The following UBR3 variants were observed in gnomAD, a reference collection of about 807,000 sequenced individuals.
UBR3 encodes ubiquitin protein ligase E3 component n-recognin 3.
In UBR3, 85 loss-of-function variants were observed where a neutral mutation model predicts 243.2. That is an observed-to-expected ratio of 0.35 (90% CI 0.29 to 0.42). UBR3 has a LOEUF of 0.42. Ranked by LOEUF, UBR3 falls within the 10% of genes least tolerant of loss-of-function variation. The pLI is 1.00. For missense variants in UBR3, 1,686 were observed against 2,300.8 expected (o/e 0.73, Z 5.47); for synonymous variants, 748 against 799.8 (o/e 0.94, Z 1.09).
chr2:169,878,881 A>G (rs896699282), intron 5 of UBR3, among the ~76,000 whole-genome samples: 1 of 152,194 alleles, frequency 6.6e-6, no homozygotes, highest in Non-Finnish European at 1.5e-5. Flanking sequence ...CTCAGAGGCT[A>G]TCCCCAAATT....
At chr2:169,972,424 A>T (rs2088204107) in intron 24 of UBR3, among the ~76,000 whole-genome samples, 1 of 152,208 alleles carries the variant, frequency 6.6e-6, no homozygotes. Flanking sequence ...TGAGGCCAGC[A>T]TCATTCTGAT....
chr2:170,017,221 C>A (rs989114206), intron 30 of UBR3, among the ~76,000 whole-genome samples: 4 of 150,756 alleles, frequency 2.7e-5, no homozygotes, highest in African/African-American at 9.7e-5. Context: ...AAAAATCTAT[C>A]TTTTTTCTAG....
At chr2:170,022,486 A>G (rs2090417006) in intron 30 of UBR3, among the ~76,000 whole-genome samples, 1 of 152,122 alleles carries the variant, frequency 6.6e-6, no homozygotes, top group Admixed American at 6.5e-5. Context: ...AAAACCTAGC[A>G]TATAGTGCTG....
At chr2:169,983,193 A>AAGGTGGAGTTGAG (rs1329130664) in intron 24 of UBR3, among the ~76,000 whole-genome samples, 25 of 151,144 alleles carry the variant, frequency 1.7e-4, no homozygotes, top group Admixed American at 2.6e-4. Context: ...GAAACTATGC[A>AAGGTGGAGTTGAG]AGATCACCTG....
intron 33 of UBR3, among the ~76,000 whole-genome samples, chr2:170,058,133 A>G (rs1308039668): frequency 2.0e-5 from 3 of 152,144 alleles, no homozygotes; most frequent in Non-Finnish European, 4.4e-5. Context: ...TTTCTGCATC[A>G]TTGATTACTC....
At chr2:170,003,354 G>C (rs1339460489) in intron 27 of UBR3, among the ~76,000 whole-genome samples, 1 of 152,130 alleles carries the variant, frequency 6.6e-6, no homozygotes, top group African/African-American at 2.4e-5. Context: ...AGGTACTCCA[G>C]GATCTGGTCT....
At chr2:169,839,659 CAAAT>C (rs2082227842) in intron 1 of UBR3, among the ~76,000 whole-genome samples, 2 of 151,844 alleles carry the variant, frequency 1.3e-5, no homozygotes, top group Admixed American at 6.6e-5. Flanking sequence ...TATTATGCAT[CAAAT>C]AAAACACACA....
chr2:169,832,704 G>A (rs2105276426), intron 1 of UBR3, among the ~76,000 whole-genome samples: 2 of 152,248 alleles, frequency 1.3e-5, no homozygotes, highest in South Asian at 4.1e-4. Context: ...GGAGGCCGAG[G>A]CAGGCGGATC....
chr2:170,053,175 AG>A (rs2105440960), intron 32 of UBR3, among the ~76,000 whole-genome samples: 1 of 152,312 alleles, frequency 6.6e-6, no homozygotes, highest in African/African-American at 2.4e-5. Context: ...CTTGGATTTC[AG>A]GAGGGGTCCC....
intron 1 of UBR3, among the ~76,000 whole-genome samples, chr2:169,850,421 C>T (rs1182634252): frequency 6.6e-6 from 1 of 152,196 alleles, no homozygotes; most frequent in African/African-American, 2.4e-5. Context: ...TCAAGGGATC[C>T]TCCCGTCTCC....
At chr2:170,016,950 T>C (rs781252241) in intron 30 of UBR3, 2 of 571,880 alleles carry the variant, frequency 3.5e-6, no homozygotes, top group South Asian at 8.9e-5. Flanking sequence ...TTTTGTATAA[T>C]TTATTATTGT....
chr2:169,944,494 A>G (rs1169008956), intron 20 of UBR3, among the ~76,000 whole-genome samples: 1 of 152,180 alleles, frequency 6.6e-6, no homozygotes, highest in Non-Finnish European at 1.5e-5. Flanking sequence ...AGTTGTTACA[A>G]GACTATTATA....
intron 1 of UBR3, among the ~76,000 whole-genome samples, chr2:169,858,626 G>GTC (rs567848165): frequency 5.9e-5 from 9 of 151,974 alleles, no homozygotes; most frequent in South Asian, 2.1e-4. Context: ...TTGAGACAGA[G>GTC]TCTCTCTCTC....
intron 30 of UBR3, among the ~76,000 whole-genome samples, chr2:170,021,295 C>A (rs1364816125): frequency 6.6e-6 from 1 of 152,058 alleles, no homozygotes; most frequent in African/African-American, 2.4e-5. Context: ...TAGTCTATAA[C>A]AATATACCAT....
At position 170,016,052 on chromosome 2, in the gene UBR3, T is replaced by C. The variant is rs1379053750; in HGVS notation, c.4453+686T>C. Among the ~76,000 whole-genome samples the C allele has an allele frequency of 2.0e-5, 3 of 152,014 alleles. No individual in the cohort carries two copies. In the East Asian group the frequency reaches 5.8e-4, roughly 29 times the overall value. ...GAAGTTGAAATATTACCTAATGTGA[T>C]TGGTGTAGGAAATAAAACTTGTTTA... On this transcript the variant is annotated intron_variant, in intron 30 of 38. Transcript: ENST00000272793.
chr2:170,062,512 T>C (rs1439969639), intron 35 of UBR3, among the ~76,000 whole-genome samples: 1 of 152,246 alleles, frequency 6.6e-6, no homozygotes, highest in Non-Finnish European at 1.5e-5. Flanking sequence ...TTTAGAGTTA[T>C]AAGATGTTGA....
At chr2:169,883,625 A>G (rs919602876) in intron 5 of UBR3, among the ~76,000 whole-genome samples, 1 of 152,206 alleles carries the variant, frequency 6.6e-6, no homozygotes, top group African/African-American at 2.4e-5. Context: ...GTGGGTAGTG[A>G]TAATAGCTAA....
chr2:169,982,508 T>C (rs1262587246), intron 24 of UBR3, among the ~76,000 whole-genome samples: 2 of 152,156 alleles, frequency 1.3e-5, no homozygotes, highest in Non-Finnish European at 2.9e-5. Context: ...GTGTAAACTC[T>C]TGAAGTAGAA....
At chr2:169,833,928 G>T (rs977073104) in intron 1 of UBR3, among the ~76,000 whole-genome samples, 5 of 151,920 alleles carry the variant, frequency 3.3e-5, no homozygotes, top group African/African-American at 1.2e-4. Flanking sequence ...GACTGTAGGC[G>T]CACACCACCA....
Sources: allele counts gnomAD v4.1 joint callset (sites outside exome capture counted in the v4.1 genomes callset), GRCh38; gene constraint gnomAD v4.1.1; transcripts MANE v1.5; gene names NCBI Gene and HGNC (gene_info 2026-07-23, HGNC 2026-07-21).